Variants in UPP2 observed in about 807,000 individuals in gnomAD.
UPP2 encodes uridine phosphorylase 2.
Under a neutral mutation model 26.7 loss-of-function variants are expected in UPP2, and 23 were observed. That is an observed-to-expected ratio of 0.86 (90% CI 0.62 to 1.22). The LOEUF (loss-of-function observed/expected upper bound fraction) is 1.22. Ranked by LOEUF, UPP2 falls within the 50% of genes most tolerant of loss-of-function variation. The probability of loss-of-function intolerance (pLI) is 0.00; values close to 1 mark genes in which losing one functional copy is unlikely to be tolerated. For synonymous variants in UPP2, 127 were observed against 141.3 expected, an observed-to-expected ratio of 0.90 and a Z score of 0.72; for missense variants, 387 against 396.7, an observed-to-expected ratio of 0.98 and a Z score of 0.21.
chr2:158,033,095 C>T (rs1243239058), intron 3 of UPP2, among the ~76,000 whole-genome samples: 1 of 152,110 alleles, frequency 6.6e-6, no homozygotes, highest in African/African-American at 2.4e-5. Context: ...AGGCAACACC[C>T]AGCTATTAGA....
chr2:158,081,329 C>T (rs1303671498), intron 3 of UPP2, among the ~76,000 whole-genome samples: 1 of 152,072 alleles, frequency 6.6e-6, no homozygotes, highest in East Asian at 1.9e-4. Context: ...TCTTATTTTG[C>T]TTGAGGACTA....
intron 3 of UPP2, 109 bp from the exon 4 acceptor site, chr2:158,117,715 A>G (rs1683470828): frequency 1.2e-6 from 1 of 838,732 alleles, no homozygotes; most frequent in South Asian, 1.6e-5. Flanking sequence ...AGTCTTAATG[A>G]TTATGTAAAT....
At chr2:157,995,298 C>A in intron 2 of UPP2, 1 of 1,597,206 alleles carries the variant, frequency 6.3e-7, no homozygotes, top group Non-Finnish European at 8.6e-7. Context: ...CATGTCTAAG[C>A]ACATGTGTCT....
chr2:158,084,297 A>T (rs13431709), intron 3 of UPP2, among the ~76,000 whole-genome samples: 3,445 of 152,096 alleles, frequency 0.023, 137 homozygotes, highest in African/African-American at 0.075. Flanking sequence ...TGCCATTTGT[A>T]TACCTTCTTG....
At chr2:158,023,734 G>T (rs985955506) in intron 3 of UPP2, among the ~76,000 whole-genome samples, 21 of 124,468 alleles carry the variant, frequency 1.7e-4, no homozygotes, top group Admixed American at 8.8e-5. Context: ...TCCTATGCAG[G>T]CCAGAGGGAG....
intron 6 of UPP2, among the ~76,000 whole-genome samples, chr2:158,130,946 A>G (rs1437107846): frequency 6.6e-6 from 1 of 152,214 alleles, no homozygotes; most frequent in Non-Finnish European, 1.5e-5. Context: ...AATTGTTTCT[A>G]TGTCTCTTAC....
At chr2:158,045,352 G>A (rs1684137618) in intron 3 of UPP2, among the ~76,000 whole-genome samples, 1 of 152,206 alleles carries the variant, frequency 6.6e-6, no homozygotes, top group Admixed American at 6.5e-5. Flanking sequence ...TTTCTAGCCT[G>A]AAGCACGGTG....
intron 3 of UPP2, among the ~76,000 whole-genome samples, chr2:158,086,903 G>T (rs1461157551): frequency 6.6e-6 from 1 of 152,002 alleles, no homozygotes; most frequent in Non-Finnish European, 1.5e-5. Context: ...CTTGTTTTGT[G>T]GCCTATCATA....
intron 3 of UPP2, among the ~76,000 whole-genome samples, chr2:158,068,776 A>G (rs1682478704): frequency 1.9e-4 from 1 of 5,372 alleles, no homozygotes; most frequent in African/African-American, 7.8e-4. Context: ...ATATATATAT[A>G]TATATATATA....
chr2:158,054,910 T>C (rs1472614692), intron 3 of UPP2, among the ~76,000 whole-genome samples: 4 of 152,214 alleles, frequency 2.6e-5, no homozygotes, highest in African/African-American at 9.6e-5. Context: ...CCACAACTTC[T>C]TTTAATCTTG....
At chr2:158,051,649 C>T (rs753102858) in intron 3 of UPP2, among the ~76,000 whole-genome samples, 272 of 151,982 alleles carry the variant, frequency 1.8e-3, no homozygotes, top group Non-Finnish European at 1.8e-4. Flanking sequence ...GGTGTGGTGG[C>T]GGGCACCTGT....
At chr2:158,072,393 T>C (rs966185935) in intron 3 of UPP2, among the ~76,000 whole-genome samples, 2 of 152,112 alleles carry the variant, frequency 1.3e-5, no homozygotes, top group African/African-American at 4.8e-5. Flanking sequence ...CTGCCAAGGG[T>C]CTGGGGAAAC....
intron 3 of UPP2, among the ~76,000 whole-genome samples, chr2:158,075,708 A>G (rs989302109): frequency 2.6e-5 from 4 of 152,074 alleles, no homozygotes; most frequent in African/African-American, 4.8e-5. Context: ...AGGAGAATTT[A>G]TAGCTATAAG....
In UPP2 at chr2:157,995,259, G is replaced by A. The variant is rs373558389; in HGVS notation, c.61G>A (p.Asp21Asn). ...AGAAGTGGTGAGGACAAGGCCTGAAGGTTAGTGAGGGAAGAGGAGAAATAC... is the reference window on the plus strand; with the variant it reads ...AGAAGTGGTGAGGACAAGGCCTGAAAGTTAGTGAGGGAAGAGGAGAAATAC... Residue 21 changes from aspartate (D) to asparagine (N), a missense_variant and splice_region_variant, in exon 2 of 10, where the codon GAT becomes AAT. Asp to Asn is a conservative substitution (Grantham distance 23, BLOSUM62 1). Coordinates refer to the UPP2 transcript ENST00000605860. 1.2e-5 allele frequency: 19 copies of A among 1,613,490 alleles called. No individual in the cohort carries two copies. The African/African-American group carries it at 2.1e-4, about 18-fold the overall frequency.
chr2:158,116,722 C>T (rs1683438922), intron 3 of UPP2, among the ~76,000 whole-genome samples: 1 of 152,162 alleles, frequency 6.6e-6, no homozygotes, highest in Non-Finnish European at 1.5e-5. Context: ...AATAGTTCAT[C>T]TTCTTATTTT....
chr2:158,099,550 A>G (rs1350906960), upstream of UPP2, among the ~76,000 whole-genome samples: 1 of 152,156 alleles, frequency 6.6e-6, no homozygotes, highest in Non-Finnish European at 1.5e-5. Flanking sequence ...TGCCTGCTGC[A>G]GCCTCAGGTG....
At chr2:158,071,985 C>T (rs141075563) in intron 3 of UPP2, among the ~76,000 whole-genome samples, 9 of 152,214 alleles carry the variant, frequency 5.9e-5, no homozygotes, top group Admixed American at 3.3e-4. Flanking sequence ...ACCTTAGGTA[C>T]GTATTTGGCT....
rs374566098 is a variant in UPP2 at position 158,134,852 on chromosome 2, T to C, written c.916T>C (p.Ser306Pro). ...EYQQRPQLLI[S>P]NFIRRRLGLC... is the part of the protein sequence containing the mutation. Reference sequence around the variant, plus strand: ...CCAGCAACGGCCTCAGCTCCTAATCTCCAACTTCATCAGACGGCGGCTTGG... The same window carrying C: ...CCAGCAACGGCCTCAGCTCCTAATCCCCAACTTCATCAGACGGCGGCTTGG... The change falls in exon 7 of 7, where the codon TCC (serine) becomes CCC (proline). Residue 306 changes from serine (S) to proline (P), a missense_variant. Coordinates refer to ENST00000005756, the MANE Select transcript of UPP2 (RefSeq NM_173355.4). The C allele has an allele frequency of 1.6e-5, 26 of 1,613,556 alleles. No individual in the cohort carries two copies. The highest frequency in any genetic ancestry group is 2.0e-5 in the Non-Finnish European group (24 of 1,179,760).
At chr2:158,056,546 T>C in intron 3 of UPP2, among the ~76,000 whole-genome samples, 1 of 152,232 alleles carries the variant, frequency 6.6e-6, no homozygotes, top group Non-Finnish European at 1.5e-5. Flanking sequence ...AGGAAGGCTA[T>C]GCTCCCTCTG....
Sources: allele counts gnomAD v4.1 joint callset (sites outside exome capture counted in the v4.1 genomes callset), GRCh38; gene constraint gnomAD v4.1.1; transcripts MANE v1.5; gene names NCBI Gene and HGNC (gene_info 2026-07-23, HGNC 2026-07-21).